Variants in KLHL1 observed in about 807,000 individuals in gnomAD.
KLHL1 encodes the protein kelch-like protein 1.
KLHL1 carries 47 observed loss-of-function variants against 77.7 expected under a neutral mutation model. The ratio of observed to expected loss-of-function variants is 0.60; its 90% CI spans 0.48 to 0.77. KLHL1 has a LOEUF of 0.77. Ranked by LOEUF, KLHL1 falls within the 30% of genes least tolerant of loss-of-function variation. The probability of loss-of-function intolerance (pLI) is 0.00; values close to 1 mark genes in which losing one functional copy is unlikely to be tolerated. For missense variants in KLHL1, 925 were observed against 910.8 expected, an observed-to-expected ratio of 1.02 and a Z score of -0.20; for synonymous variants, 360 against 325.2, an observed-to-expected ratio of 1.11 and a Z score of -1.15.
intron 1 of KLHL1, among the ~76,000 whole-genome samples, chr13:70,066,749 A>G (rs1887015741): frequency 6.6e-6 from 1 of 152,224 alleles, no homozygotes; most frequent in African/African-American, 2.4e-5. Context: ...TAATTTGCCT[A>G]GCACATCACA....
At chr13:69,883,600 A>C (rs1262293748) in intron 4 of KLHL1, among the ~76,000 whole-genome samples, 1 of 152,236 alleles carries the variant, frequency 6.6e-6, no homozygotes, top group Non-Finnish European at 1.5e-5. Context: ...TTAAGCTGTA[A>C]GACCCTGATT....
At chr13:69,764,104 G>A (rs576376922) in intron 7 of KLHL1, among the ~76,000 whole-genome samples, 7 of 152,248 alleles carry the variant, frequency 4.6e-5, no homozygotes, top group South Asian at 2.1e-4. Flanking sequence ...GGGGGAAATC[G>A]TTGAATTAAA....
Position 69,758,708 on chromosome 13 carries a change from C to T in KLHL1, c.1640-18152G>A, listed in dbSNP as rs1490460799. Among the ~76,000 whole-genome samples, 7 of 152,056 alleles carry T rather than the reference C, an allele frequency of 4.6e-5. No homozygotes were observed. The South Asian group carries it at 6.2e-4, about 14-fold the overall frequency. ...GAGCATTTATAGAAAAGAACCATCT[C>T]GTAATTTTTTAAGAAAGCTATTTCC... On this transcript the variant is annotated intron_variant, in intron 7 of 10. Transcript: ENST00000377844.
At chr13:69,855,531 C>T (rs192303706) in intron 5 of KLHL1, among the ~76,000 whole-genome samples, 1 of 132,352 alleles carries the variant, frequency 7.6e-6, no homozygotes, top group Admixed American at 7.2e-5. Context: ...AGGAAAGAGA[C>T]CACGTGGAAA....
At chr13:69,769,054 T>A (rs1875442184) in intron 7 of KLHL1, among the ~76,000 whole-genome samples, 1 of 152,228 alleles carries the variant, frequency 6.6e-6, no homozygotes, top group East Asian at 1.9e-4. Context: ...ATGTGAAAAA[T>A]TGCTTAACTA....
At chr13:70,060,615 G>C (rs546467361) in intron 1 of KLHL1, among the ~76,000 whole-genome samples, 1 of 151,970 alleles carries the variant, frequency 6.6e-6, no homozygotes, top group East Asian at 1.9e-4. Context: ...AGGCTGAGGC[G>C]CGTGGATCAC....
chr13:70,031,661 A>T (rs575957807), intron 1 of KLHL1, among the ~76,000 whole-genome samples: 1 of 152,294 alleles, frequency 6.6e-6, no homozygotes, highest in African/African-American at 2.4e-5. Context: ...GGATGGGGGT[A>T]AGCTACTTTC....
intron 1 of KLHL1, among the ~76,000 whole-genome samples, chr13:69,979,682 C>T (rs533544892): frequency 3.9e-5 from 6 of 152,226 alleles, no homozygotes; most frequent in South Asian, 4.1e-4. Flanking sequence ...TGATCTGAAA[C>T]TCTTAACATT....
At chr13:69,795,973 A>T (rs1018140588) in intron 7 of KLHL1, among the ~76,000 whole-genome samples, 1 of 152,130 alleles carries the variant, frequency 6.6e-6, no homozygotes, top group Admixed American at 6.5e-5. Flanking sequence ...CTTAAGTTTC[A>T]CTCAACCCAC....
intron 3 of KLHL1, among the ~76,000 whole-genome samples, chr13:69,947,523 GA>G (rs749889666): frequency 2.0e-5 from 3 of 151,504 alleles, no homozygotes; most frequent in Non-Finnish European, 4.4e-5. Flanking sequence ...AATTTAGACA[GA>G]TTTTTTTTCA....
At chr13:69,887,431 C>A (rs1204360484) in intron 4 of KLHL1, among the ~76,000 whole-genome samples, 1 of 152,092 alleles carries the variant, frequency 6.6e-6, no homozygotes, top group Non-Finnish European at 1.5e-5. Context: ...TGATAATTTT[C>A]AAATCTTTAA....
At chr13:69,704,361 A>G (rs1875533809) in intron 10 of KLHL1, among the ~76,000 whole-genome samples, 1 of 151,680 alleles carries the variant, frequency 6.6e-6, no homozygotes, top group Admixed American at 6.6e-5. Flanking sequence ...AATTCTATCC[A>G]TTTATTCAGT....
At chr13:69,907,032 T>G (rs1882067675) in intron 4 of KLHL1, among the ~76,000 whole-genome samples, 1 of 152,008 alleles carries the variant, frequency 6.6e-6, no homozygotes, top group Non-Finnish European at 1.5e-5. Flanking sequence ...AACTTTCCTT[T>G]AAATCTTAGA....
chr13:69,868,242 C>T (rs1307641781), intron 5 of KLHL1, among the ~76,000 whole-genome samples: 2 of 151,880 alleles, frequency 1.3e-5, no homozygotes, highest in Non-Finnish European at 2.9e-5. Flanking sequence ...GCATATTTAA[C>T]TGCCAAATAA....
chr13:69,782,212 C>T (rs547589919), intron 7 of KLHL1, among the ~76,000 whole-genome samples: 21 of 152,180 alleles, frequency 1.4e-4, no homozygotes, highest in Non-Finnish European at 8.8e-5. Context: ...GGAACAGCTC[C>T]GGTCTACAGC....
chr13:69,942,975 C>G (rs192999332), intron 3 of KLHL1, among the ~76,000 whole-genome samples: 1 of 152,078 alleles, frequency 6.6e-6, no homozygotes, highest in African/African-American at 2.4e-5. Context: ...AACTGTTCCT[C>G]TGCCATTTTT....
chr13:69,854,358 G>A (rs1161802865), intron 5 of KLHL1, among the ~76,000 whole-genome samples: 2 of 151,974 alleles, frequency 1.3e-5, no homozygotes, highest in African/African-American at 4.8e-5. Context: ...GAGAGAGCAT[G>A]GAGGTGCCAG....
intron 1 of KLHL1, among the ~76,000 whole-genome samples, chr13:69,978,981 T>A (rs4307825): frequency 2.0e-5 from 3 of 151,618 alleles, no homozygotes; most frequent in Non-Finnish European, 4.4e-5. Context: ...TTTGGGGGGC[T>A]GGGGGTCATA....
At chr13:70,098,303 C>T (rs1887841901) in intron 1 of KLHL1, among the ~76,000 whole-genome samples, 1 of 151,780 alleles carries the variant, frequency 6.6e-6, no homozygotes, top group Admixed American at 6.6e-5. Context: ...ATAAGAGTGT[C>T]ACATCTATTT....
Sources: allele counts gnomAD v4.1 joint callset (sites outside exome capture counted in the v4.1 genomes callset), GRCh38; gene constraint gnomAD v4.1.1; transcripts MANE v1.5; gene names NCBI Gene and HGNC (gene_info 2026-07-23, HGNC 2026-07-21).